HNRNPA1: variants seen among roughly 807,000 people sequenced by gnomAD.
The protein encoded by HNRNPA1 is heterogeneous nuclear ribonucleoprotein A1, also known as epididymis secretory sperm binding protein.
Under a neutral mutation model 44.4 loss-of-function variants are expected in HNRNPA1, and 7 were observed. That is an observed-to-expected ratio of 0.16 (90% CI 0.09 to 0.30). HNRNPA1 has a LOEUF of 0.30. Ranked by LOEUF, HNRNPA1 falls within the 10% of genes least tolerant of loss-of-function variation. The probability of loss-of-function intolerance (pLI) is 1.00; values close to 1 mark genes in which losing one functional copy is unlikely to be tolerated. For missense variants in HNRNPA1, 193 were observed against 465.8 expected (o/e 0.41, Z 5.39); for synonymous variants, 169 against 160.6 (o/e 1.05, Z -0.40).
rs907602811 is a variant in HNRNPA1, at chr12:54,282,835, G to A, written c.712G>A (p.Gly238Ser). Reference sequence around the variant, plus strand: ...TGGCAGCCGTGGTGGTGGTGGATATGGTGGCAGTGGGGATGGCTATAATGG... The same window carrying A: ...TGGCAGCCGTGGTGGTGGTGGATATAGTGGCAGTGGGGATGGCTATAATGG... ...FGGSRGGGGYGGSGDGYNGFG... is the reference protein window; with the variant it reads ...FGGSRGGGGYSGSGDGYNGFG... The change falls in exon 7 of 11, where the codon GGT becomes AGT. Residue 238 changes from glycine to serine, a missense_variant. Physicochemically the swap from Gly to Ser is moderately conservative, Grantham distance 56. This residue lies in a region of HNRNPA1 where 136 missense variants were observed against 234.4 expected (regional missense o/e 0.58). Coordinates refer to ENST00000340913, the MANE Select transcript of HNRNPA1 (RefSeq NM_031157.4). The A allele has an allele frequency of 1.3e-6, 2 of 1,551,512 alleles. No homozygotes were observed. The highest frequency in any genetic ancestry group is 2.7e-5 in the African/African-American group (2 of 73,016).
In HNRNPA1 at chr12:54,282,113, C is replaced by G; in HGVS notation, c.303C>G (p.His101Gln). 1 of 1,609,904 alleles carries G rather than the reference C, an allele frequency of 6.2e-7. No homozygotes were observed. Among genetic ancestry groups the G allele is most frequent in the Non-Finnish European group, 8.5e-7 (1 of 1,177,432 alleles). The change falls in exon 4 of 11, where the codon CAC becomes CAG. Residue 101 changes from histidine to glutamine, a missense_variant. By Grantham distance (24) the His-to-Gln change is conservative (BLOSUM62 0). Transcript: ENST00000340913. ...AGGATTCTCAAAGACCAGGTGCCCA[C>G]TTAACTGTGAAAAAGATATTTGTTG... ...SREDSQRPGA[H>Q]LTVKKIFVGG...
At chr12:54,284,338 GT>G in intron 10 of HNRNPA1, 21 bp downstream of exon 10, 3 of 1,607,218 alleles carry the variant, frequency 1.9e-6, no homozygotes, top group Non-Finnish European at 2.6e-6. Context: ...ACCTTTTTGT[GT>G]GTTGACATAA....
chr12:54,286,684 AT>A lies in HNRNPA1; in HGVS notation c.*2141del, dbSNP rs1944268227. On this transcript the variant is annotated 3_prime_UTR_variant, in exon 11 of 11. Coordinates refer to ENST00000340913, the MANE Select transcript of HNRNPA1 (RefSeq NM_031157.4). ...TAGGGAGGAGTCTGCTACTAGTCTT[AT>A]CAGCTCTTAAAAACAGAAACTCATC... 1 of 152,210 alleles carries A rather than the reference AT, an allele frequency of 6.6e-6. No homozygotes were observed. Among genetic ancestry groups the A allele is most frequent in the South Asian group, 2.1e-4 (1 of 4,830 alleles). 9.4% of individuals were successfully genotyped at this position (152,210 alleles called of 1,614,324 possible). A position where few individuals can be genotyped will look rare whatever the true frequency, so the allele number is the denominator to read the frequency against.
chr12:54,283,589 C>A, intron 8 of HNRNPA1: 1 of 604,806 alleles, frequency 1.7e-6, no homozygotes, highest in Non-Finnish European at 2.9e-6. Flanking sequence ...CTCTGAAAAT[C>A]TCTTTATTTT....
At chr12:54,284,119 A>G (rs1944226863) in intron 9 of HNRNPA1, 139 bp from the exon 10 acceptor site, 5 of 1,269,566 alleles carry the variant, frequency 3.9e-6, no homozygotes, top group East Asian at 4.9e-5. Context: ...TAGAAAAATC[A>G]TGGGACCTCT....
chr12:54,282,738 C>T, intron 6 of HNRNPA1, 62 bp from the exon 7 acceptor site: 1 of 1,587,916 alleles, frequency 6.3e-7, no homozygotes, highest in Non-Finnish European at 8.6e-7. Flanking sequence ...AGTACGGGAA[C>T]TGCATTCAGA....
intron 9 of HNRNPA1, 74 bp downstream of exon 9, chr12:54,284,041 C>T (rs1592173810): frequency 6.6e-7 from 1 of 1,515,384 alleles, no homozygotes; most frequent in Non-Finnish European, 9.0e-7. Flanking sequence ...AGCCCTTTAA[C>T]TGCTATGTCT....
At position 54,282,143 on chromosome 12, in the gene HNRNPA1, C is replaced by G; in HGVS notation, c.333C>G (p.Gly111=). The change falls in exon 4 of 11, where the codon GGC becomes GGG. Residue 111 remains glycine (G), a synonymous_variant. Transcript: ENST00000340913. Reference sequence around the variant, plus strand: ...CTGTGAAAAAGATATTTGTTGGTGGCATTAAAGAAGACACTGAAGAACATC... The same window carrying G: ...CTGTGAAAAAGATATTTGTTGGTGGGATTAAAGAAGACACTGAAGAACATC... The part of the protein sequence containing the change: ...HLTVKKIFVG[G]IKEDTEEHHL... 3 of 1,605,014 alleles carry G rather than the reference C, an allele frequency of 1.9e-6. No homozygotes were observed. Among genetic ancestry groups the G allele is most frequent in the Non-Finnish European group, 2.6e-6 (3 of 1,175,348 alleles).
At position 54,284,844 on chromosome 12, in the gene HNRNPA1, A is replaced by C. The variant is rs1217560775; in HGVS notation, c.*300A>C. 1 of 327,876 alleles carries C rather than the reference A, an allele frequency of 3.0e-6. No individual in the cohort carries two copies. Among genetic ancestry groups the C allele is most frequent in the Non-Finnish European group, 6.0e-6 (1 of 167,002 alleles). The allele number at this position is 327,876 out of a possible 1,614,324, so 20.3% of individuals were successfully genotyped here. A position where few individuals can be genotyped will look rare whatever the true frequency, so the allele number is the denominator to read the frequency against. On this transcript the variant is annotated 3_prime_UTR_variant, in exon 11 of 11. Coordinates refer to ENST00000340913, the MANE Select transcript of HNRNPA1 (RefSeq NM_031157.4). ...CATGCTGTTGATTGCTAAATGTAAC[A>C]GTCTGATCGTGACGCTGAATAAATG...
Position 54,285,742 on chromosome 12 carries a change from C to G in HNRNPA1, c.*1198C>G, listed in dbSNP as rs747201540. ...ATAATGTGTTATTTGTACATAGATT[C>G]TTTTGAGCCTTACCTTTGGTGCTCT... On this transcript the variant is annotated 3_prime_UTR_variant, in exon 11 of 11. Transcript: ENST00000340913. 1 of 152,040 alleles carries G rather than the reference C, an allele frequency of 6.6e-6. No homozygotes were observed. The allele number at this position is 152,040 out of a possible 1,614,324, so 9.4% of individuals were successfully genotyped here. A position where few individuals can be genotyped will look rare whatever the true frequency, so the allele number is the denominator to read the frequency against.
Position 54,286,088 on chromosome 12 carries a change from C to T in HNRNPA1, c.*1544C>T, listed in dbSNP as rs1331988768. ...GCGAATGGCTCCGAGCTCAGACACT[C>T]TACAGCTGAGAGTAGACACTTGTGG... is the stretch of plus-strand genomic sequence containing the variant. On this transcript the variant is annotated 3_prime_UTR_variant, in exon 11 of 11. Transcript: ENST00000340913. 6.6e-6 allele frequency: 1 copy of T among 152,156 alleles called. No individual in the cohort carries two copies. The highest frequency in any genetic ancestry group is 2.4e-5 in the African/African-American group (1 of 41,406). The allele number at this position is 152,156 out of a possible 1,614,324, so 9.4% of individuals were successfully genotyped here. A position where few individuals can be genotyped will look rare whatever the true frequency, so the allele number is the denominator to read the frequency against.
At chr12:54,282,997 A>T in intron 7 of HNRNPA1, 82 bp from the exon 8 acceptor site, 1 of 1,532,266 alleles carries the variant, frequency 6.5e-7, no homozygotes, top group Non-Finnish European at 8.9e-7. Flanking sequence ...GCATGCTGTG[A>T]GCAGGCCTTC....
chr12:54,282,368 A>G (rs776167305), intron 4 of HNRNPA1, 26 bp from the exon 5 acceptor site: 5 of 1,610,490 alleles, frequency 3.1e-6, no homozygotes, highest in Non-Finnish European at 4.2e-6. Context: ...CCCTGATACC[A>G]TGTTGTATCT....
chr12:54,285,909 G>A lies in HNRNPA1; in HGVS notation c.*1365G>A, dbSNP rs1247202678. On this transcript the variant is annotated 3_prime_UTR_variant, in exon 11 of 11. Transcript: ENST00000340913. Reference sequence around the variant, plus strand: ...GTGGGAGGTGGTGGTGGGTGGGAAAGCATGGGTGATAGTTCCATGATACTG... The same window carrying A: ...GTGGGAGGTGGTGGTGGGTGGGAAAACATGGGTGATAGTTCCATGATACTG... 6.6e-6 allele frequency: 1 copy of A among 151,886 alleles called. No homozygotes were observed. The highest frequency in any genetic ancestry group is 1.5e-5 in the Non-Finnish European group (1 of 67,966). 9.4% of individuals were successfully genotyped at this position (151,886 alleles called of 1,614,324 possible).
At chr12:54,283,747 T>C (rs1944217709) in intron 8 of HNRNPA1, 65 bp from the exon 9 acceptor site, 1 of 1,493,156 alleles carries the variant, frequency 6.7e-7, no homozygotes. Flanking sequence ...TTCTGACTGC[T>C]AAACAGAATT....
In HNRNPA1 at chr12:54,283,237, A is replaced by G; in HGVS notation, c.907+3A>G. The G allele has an allele frequency of 1.2e-6, 2 of 1,610,902 alleles. No individual in the cohort carries two copies. The highest frequency in any genetic ancestry group is 1.1e-5 in the South Asian group (1 of 90,558). On this transcript the variant is annotated splice_donor_region_variant and intron_variant, in intron 8 of 10. Transcript: ENST00000340913. The stretch of plus-strand genomic sequence containing the variant: ...AGGCGGCTTTGGCGGTGGTAGTGGT[A>G]GGTATCCAGTGATCCAAGTACTTGG...
Position 54,284,700 on chromosome 12 carries a change from A to G in HNRNPA1, c.*156A>G. 6.2e-6 allele frequency: 3 copies of G among 480,776 alleles called. No individual in the cohort carries two copies. The highest frequency in any genetic ancestry group is 4.8e-5 in the South Asian group (3 of 62,710). 29.8% of individuals were successfully genotyped at this position (480,776 alleles called of 1,614,324 possible). A position where few individuals can be genotyped will look rare whatever the true frequency, so the allele number is the denominator to read the frequency against. ...AGACAAATACTCATGTGTATGGGCA[A>G]AAAACTCGAGGACTGTATTTGTGAC... On this transcript the variant is annotated 3_prime_UTR_variant, in exon 11 of 11. Coordinates refer to ENST00000340913, the MANE Select transcript of HNRNPA1 (RefSeq NM_031157.4).
chr12:54,281,108 C>G (rs560318055), intron 1 of HNRNPA1: 1 of 700,380 alleles, frequency 1.4e-6, no homozygotes, highest in Non-Finnish European at 2.6e-6. Flanking sequence ...AGCGAGTTTT[C>G]TAAAGAGCGA....
chr12:54,281,978 C>G (rs762651189), intron 3 of HNRNPA1, 37 bp downstream of exon 3: 1 of 1,610,328 alleles, frequency 6.2e-7, no homozygotes, highest in Non-Finnish European at 8.5e-7. Context: ...CTTAAACTTA[C>G]TTGGATATGT....
Sources: allele counts gnomAD v4.1 joint callset, GRCh38; gene constraint gnomAD v4.1.1; regional missense constraint gnomAD v4.1.1; transcripts MANE v1.5; gene names NCBI Gene and HGNC (gene_info 2026-07-23, HGNC 2026-07-21).